Variants in PDGFA observed in about 807,000 individuals in gnomAD.
The protein encoded by PDGFA is platelet derived growth factor subunit A.
Under a neutral mutation model 25.6 loss-of-function variants are expected in PDGFA, and 9 were observed. The ratio of observed to expected loss-of-function variants is 0.35; its 90% CI spans 0.21 to 0.61. PDGFA has a LOEUF of 0.61. Among genes scored for constraint, PDGFA ranks in the 20% least tolerant of loss-of-function variants. PDGFA has a pLI of 0.75. For missense variants in PDGFA, 242 were observed against 272.8 expected, an observed-to-expected ratio of 0.89 and a Z score of 0.79; for synonymous variants, 133 against 111.8, an observed-to-expected ratio of 1.19 and a Z score of -1.20.
chr7:507,268 G>A (rs780414950), intron 4 of PDGFA, among the ~76,000 whole-genome samples: 14 of 152,244 alleles, frequency 9.2e-5, no homozygotes, highest in Non-Finnish European at 7.3e-5. Context: ...GGTCTGAGGA[G>A]GTGGGAACTG....
At chr7:519,029 G>A in exon 1 of PDGFA, 1 of 1,510,252 alleles carries the variant, frequency 6.6e-7, no homozygotes, top group Non-Finnish European at 8.9e-7. Flanking sequence ...GCTGCTCGGA[G>A]GAGAGGCGAG....
exon 4 of PDGFA, chr7:510,819 C>G: frequency 6.4e-7 from 1 of 1,567,062 alleles, no homozygotes; most frequent in Non-Finnish European, 8.6e-7. Context: ...CTTGACGCTG[C>G]GGTGGTGGAC....
Position 518,789 on chromosome 7 carries a change from G to A in PDGFA, c.63+150C>T, listed in dbSNP as rs1057169849. 32 of 524,810 alleles carry A rather than the reference G, an allele frequency of 6.1e-5. No individual in the cohort carries two copies. The African/African-American group carries it at 6.3e-4, about 10-fold the overall frequency. The allele number at this position is 524,810 out of a possible 1,614,324, so 32.5% of individuals were successfully genotyped here. A position where few individuals can be genotyped will look rare whatever the true frequency, so the allele number is the denominator to read the frequency against. ...AACTCCCCACACACACTTAGGCATG[G>A]CAGAAAATAGAACCCAGTTGGGAAA... is the stretch of plus-strand genomic sequence containing the variant. On this transcript the variant is annotated intron_variant, in intron 1 of 5. Transcript: ENST00000402802.
At chr7:519,857 G>A (rs1045732530), upstream of PDGFA, 3 of 147,798 alleles carry the variant, frequency 2.0e-5, no homozygotes, top group African/African-American at 7.5e-5. Context: ...GGAGCCGGCC[G>A]GCGGCGGGGA....
At position 500,303 on chromosome 7, in the gene PDGFA, C is replaced by T; in HGVS notation, c.580+813G>A. The T allele has an allele frequency of 1.0e-6, 1 of 1,003,968 alleles. No individual in the cohort carries two copies. Among genetic ancestry groups the T allele is most frequent in the Non-Finnish European group, 1.5e-6 (1 of 661,898 alleles). The allele number at this position is 1,003,968 out of a possible 1,614,324, so 62.2% of individuals were successfully genotyped here. A position where few individuals can be genotyped will look rare whatever the true frequency, so the allele number is the denominator to read the frequency against. ...CAAGGAGACCCAAGCCCAGCAGACA[C>T]CATCAAGGCCAATCAGGGCCACATC... On this transcript the variant is annotated intron_variant, in intron 5 of 5. Transcript: ENST00000402802. The surrounding 1 kb of genome is among the most constrained non-coding windows in gnomAD (Gnocchi z 5.0).
intron 4 of PDGFA, among the ~76,000 whole-genome samples, chr7:504,943 G>A (rs1394639141): frequency 2.0e-5 from 3 of 152,212 alleles, no homozygotes; most frequent in Admixed American, 2.0e-4. Context: ...TGGGCACCGT[G>A]CGAAAGGCAC....
At chr7:509,549 C>T (rs2128399077) in intron 4 of PDGFA, among the ~76,000 whole-genome samples, 1 of 152,338 alleles carries the variant, frequency 6.6e-6, no homozygotes, top group South Asian at 2.1e-4. Context: ...CTCAGCCTTC[C>T]ACGGTGGCTG....
At chr7:514,916 G>A (rs1316920397) in intron 2 of PDGFA, among the ~76,000 whole-genome samples, 1 of 152,228 alleles carries the variant, frequency 6.6e-6, no homozygotes, top group Non-Finnish European at 1.5e-5. Context: ...CCGGGAGGAT[G>A]GTGAGGAATC....
intron 4 of PDGFA, among the ~76,000 whole-genome samples, chr7:509,030 G>A (rs1362576992): frequency 6.6e-6 from 1 of 152,226 alleles, no homozygotes; most frequent in South Asian, 2.1e-4. Context: ...AGCCCACCCA[G>A]GGCGCTGCAT....
exon 3 of PDGFA, chr7:512,399 G>C: frequency 3.7e-6 from 6 of 1,613,792 alleles, no homozygotes; most frequent in Non-Finnish European, 5.1e-6. Context: ...TCGGGCACAT[G>C]CTTAGTGGCA....
At chr7:512,043 G>C (rs915942611) in intron 3 of PDGFA, among the ~76,000 whole-genome samples, 2 of 152,228 alleles carry the variant, frequency 1.3e-5, no homozygotes, top group Non-Finnish European at 2.9e-5. Flanking sequence ...CGACAAGACA[G>C]GGCGCTTAAG....
At chr7:497,680 A>T (rs540947887) in exon 6 of PDGFA, 11 of 152,120 alleles carry the variant, frequency 7.2e-5, no homozygotes, top group African/African-American at 1.2e-4. Flanking sequence ...GCTTAAATTA[A>T]CAAATAAAGC....
intron 4 of PDGFA, among the ~76,000 whole-genome samples, chr7:510,129 C>A (rs776877002): frequency 1.3e-5 from 2 of 152,204 alleles, no homozygotes; most frequent in African/African-American, 2.4e-5. Context: ...CAGCTTCCGG[C>A]TAAGCAGCTC....
At chr7:519,664 G>C (rs1783282039), upstream of PDGFA, among the ~76,000 whole-genome samples, 1 of 145,236 alleles carries the variant, frequency 6.9e-6, no homozygotes, top group African/African-American at 2.5e-5. Context: ...CAGCGCCCGC[G>C]GCCGAGCCGC....
At chr7:502,596 G>A (rs998482377) in intron 4 of PDGFA, among the ~76,000 whole-genome samples, 12 of 152,242 alleles carry the variant, frequency 7.9e-5, no homozygotes, top group Middle Eastern at 3.4e-3. Flanking sequence ...TCCCCTCTTC[G>A]GACTGGACTT....
Position 497,950 on chromosome 7 carries a change from A to AC in PDGFA, c.*613_*614insG, listed in dbSNP as rs1562481582. 8.8e-5 allele frequency: 10 copies of AC among 113,366 alleles called. 1 individual carries two copies. Among genetic ancestry groups the AC allele is most frequent in the South Asian group, 6.0e-4 (2 of 3,334 alleles). The allele number at this position is 113,366 out of a possible 1,614,324, so 7.0% of individuals were successfully genotyped here. ...ATCACTTTATGGTGTAAAAAAAAAA[A>AC]AAAAAAAACAAAAAAAAAAAAAACA... On this transcript the variant is annotated 3_prime_UTR_variant, in exon 6 of 6. Coordinates refer to ENST00000402802, the Ensembl canonical transcript of PDGFA.
At chr7:506,439 AC>A (rs1782570264) in intron 4 of PDGFA, among the ~76,000 whole-genome samples, 1 of 151,654 alleles carries the variant, frequency 6.6e-6, no homozygotes, top group South Asian at 2.1e-4. Context: ...CCTGCACCAG[AC>A]CCCAGAGAGT....
intron 3 of PDGFA, among the ~76,000 whole-genome samples, chr7:511,716 G>A (rs142242825): frequency 0.025 from 3,823 of 152,266 alleles, 151 homozygotes; most frequent in African/African-American, 0.087. Context: ...CCGAGGACGC[G>A]GGACTTGGGT....
At chr7:498,739 T>C (rs772797937) in intron 5 of PDGFA, among the ~76,000 whole-genome samples, 165 bp from the exon 6 acceptor site, 2 of 152,232 alleles carry the variant, frequency 1.3e-5, no homozygotes, top group Non-Finnish European at 2.9e-5. Context: ...ATTTGCCACA[T>C]TGGCCATGTT....
Sources: gnomAD v4.1 joint callset for allele counts (sites outside exome capture counted in the v4.1 genomes callset) on GRCh38, gnomAD v4.1.1 for gene constraint, Gnocchi (gnomAD v3.1) non-coding constraint, MANE v1.5 for transcripts, NCBI Gene and HGNC (gene_info 2026-07-23, HGNC 2026-07-21) for gene names.